The following DCLK1 variants were observed in gnomAD, a reference collection of about 807,000 sequenced individuals.
DCLK1 encodes the protein serine/threonine-protein kinase DCLK1.
DCLK1 carries 16 observed loss-of-function variants against 86.2 expected under a neutral mutation model. The observed-to-expected ratio is 0.19, with a 90% CI of 0.13 to 0.28. The LOEUF is 0.28. DCLK1 is among the 10% of genes least tolerant of loss of function. The pLI is 1.00. For synonymous variants in DCLK1, 369 were observed against 370.5 expected (o/e 1.00, Z 0.05); for missense variants, 590 against 940.2 (o/e 0.63, Z 4.87).
chr13:35,951,682 C>G (rs1369745635), intron 3 of DCLK1, among the ~76,000 whole-genome samples: 1 of 152,020 alleles, frequency 6.6e-6, no homozygotes. Context: ...TGTTTACAGA[C>G]TTATGATCCA....
chr13:36,061,274 T>C (rs1883538477), intron 3 of DCLK1, among the ~76,000 whole-genome samples: 1 of 152,196 alleles, frequency 6.6e-6, no homozygotes, highest in African/African-American at 2.4e-5. Context: ...ATGGCCAATT[T>C]CGAGTTACAG....
At chr13:35,896,821 G>C (rs1470715961) in intron 4 of DCLK1, among the ~76,000 whole-genome samples, 1 of 152,130 alleles carries the variant, frequency 6.6e-6, no homozygotes, top group African/African-American at 2.4e-5. Flanking sequence ...TAAGTATGCT[G>C]GGGTAGAAGA....
Position 35,900,374 on chromosome 13 carries a change from G to A in DCLK1, c.824-29034C>T, listed in dbSNP as rs149202011. On this transcript the variant is annotated intron_variant, in intron 4 of 16. Coordinates refer to ENST00000360631, the MANE Select transcript of DCLK1 (RefSeq NM_001330071.2). ...TTGTGCCTCAGCCTTCCAAGTAGCCGGGATTACAGGCGTGCACCACCACAC... is the reference window on the plus strand; with the variant it reads ...TTGTGCCTCAGCCTTCCAAGTAGCCAGGATTACAGGCGTGCACCACCACAC... 2.8e-3 allele frequency among the ~76,000 whole-genome samples: 419 copies of A among 151,894 alleles called. 5 individuals carry two copies. The highest frequency in any genetic ancestry group is 9.6e-3 in the African/African-American group (397 of 41,396).
chr13:36,070,687 G>A (rs1883942579), intron 3 of DCLK1, among the ~76,000 whole-genome samples: 1 of 151,830 alleles, frequency 6.6e-6, no homozygotes, highest in African/African-American at 2.4e-5. Flanking sequence ...TGTTGCCCAG[G>A]CTGGAGTGCA....
chr13:35,808,156 A>G, intron 14 of DCLK1, 68 bp downstream of exon 14: 1 of 1,438,866 alleles, frequency 6.9e-7, no homozygotes, highest in African/African-American at 1.4e-5. Flanking sequence ...TTTGCACACA[A>G]TGATTTGGAA....
chr13:35,968,965 A>G (rs888881304), intron 3 of DCLK1, among the ~76,000 whole-genome samples: 1 of 152,224 alleles, frequency 6.6e-6, no homozygotes, highest in Non-Finnish European at 1.5e-5. Flanking sequence ...CAAAATGCTC[A>G]TCTACAGTTC....
At chr13:35,893,538 T>G (rs533045093) in intron 4 of DCLK1, among the ~76,000 whole-genome samples, 17 of 152,326 alleles carry the variant, frequency 1.1e-4, no homozygotes, top group African/African-American at 4.1e-4. Flanking sequence ...GCTGACATGA[T>G]GCCACAAGTG....
At chr13:35,801,741 G>A (rs1237414564) in intron 15 of DCLK1, among the ~76,000 whole-genome samples, 1 of 152,100 alleles carries the variant, frequency 6.6e-6, no homozygotes, top group African/African-American at 2.4e-5. Context: ...GCCATAATGA[G>A]CAACCTGTTT....
At chr13:35,865,671 C>G (rs1333643570) in intron 5 of DCLK1, among the ~76,000 whole-genome samples, 2 of 152,182 alleles carry the variant, frequency 1.3e-5, no homozygotes, top group African/African-American at 4.8e-5. Flanking sequence ...ATGCCTGACA[C>G]TAGTTGGTCT....
chr13:35,947,555 C>G (rs1186188796), intron 3 of DCLK1, 98 bp from the exon 4 acceptor site: 1 of 906,732 alleles, frequency 1.1e-6, no homozygotes, highest in East Asian at 2.7e-5. Flanking sequence ...CCCTTCCCAC[C>G]TAATGGAATC....
At position 35,908,824 on chromosome 13, in the gene DCLK1, T is replaced by C. The variant is rs1266414196; in HGVS notation, c.824-37484A>G. Among the ~76,000 whole-genome samples the C allele has an allele frequency of 2.0e-5, 3 of 152,074 alleles. No individual in the cohort carries two copies. In the East Asian group the frequency reaches 5.8e-4, roughly 29 times the overall value. On this transcript the variant is annotated intron_variant, in intron 4 of 16. Coordinates refer to ENST00000360631, the MANE Select transcript of DCLK1 (RefSeq NM_001330071.2). ...CAAATTTTTGTATTTTTAGTAGAGA[T>C]GGGGTTTCACCATGTTGGCCAGGCT...
At chr13:35,938,350 C>G (rs1300203148) in intron 4 of DCLK1, among the ~76,000 whole-genome samples, 1 of 152,056 alleles carries the variant, frequency 6.6e-6, no homozygotes, top group Non-Finnish European at 1.5e-5. Context: ...GAGCACTAGG[C>G]CAGGTGCAGT....
chr13:35,893,350 A>G (rs1334473561), intron 4 of DCLK1, among the ~76,000 whole-genome samples: 1 of 152,210 alleles, frequency 6.6e-6, no homozygotes, highest in African/African-American at 2.4e-5. Flanking sequence ...AAAAAAGAAT[A>G]AAACCCCGTT....
intron 3 of DCLK1, among the ~76,000 whole-genome samples, chr13:35,970,757 T>C (rs1381336391): frequency 1.3e-5 from 2 of 152,202 alleles, no homozygotes; most frequent in Non-Finnish European, 2.9e-5. Flanking sequence ...CTTTATAAAT[T>C]ACTCAGCCTC....
intron 3 of DCLK1, among the ~76,000 whole-genome samples, chr13:36,070,706 A>G (rs1318408018): frequency 2.6e-5 from 4 of 151,918 alleles, no homozygotes; most frequent in Non-Finnish European, 1.5e-5. Flanking sequence ...CAATGGCGCA[A>G]TCTCGGCTCA....
intron 6 of DCLK1, among the ~76,000 whole-genome samples, chr13:35,852,242 AC>A (rs1424240036): frequency 6.6e-6 from 1 of 152,220 alleles, no homozygotes; most frequent in Non-Finnish European, 1.5e-5. Context: ...CAAATTTGAA[AC>A]AGGATCAGTT....
At chr13:35,832,818 G>GC (rs1869061841) in intron 8 of DCLK1, among the ~76,000 whole-genome samples, 1 of 152,154 alleles carries the variant, frequency 6.6e-6, no homozygotes, top group Admixed American at 6.5e-5. Flanking sequence ...TTTGACAAGG[G>GC]CCCCATGGCT....
At chr13:35,947,538 A>G in intron 3 of DCLK1, 81 bp from the exon 4 acceptor site, 1 of 1,143,894 alleles carries the variant, frequency 8.7e-7, no homozygotes. Context: ...AGACATCTGC[A>G]TAAAGCCCCT....
intron 3 of DCLK1, among the ~76,000 whole-genome samples, chr13:36,052,885 C>G (rs1345502908): frequency 6.6e-6 from 1 of 152,144 alleles, no homozygotes; most frequent in Non-Finnish European, 1.5e-5. Context: ...CTCATTCTGT[C>G]CTTGAATCTG....
Sources: gnomAD v4.1 joint callset for allele counts (sites outside exome capture counted in the v4.1 genomes callset) on GRCh38, gnomAD v4.1.1 for gene constraint, MANE v1.5 for transcripts, NCBI Gene and HGNC (gene_info 2026-07-23, HGNC 2026-07-21) for gene names.